CACNG5: variants seen among roughly 807,000 people sequenced by gnomAD.
CACNG5 encodes the protein calcium voltage-gated channel auxiliary subunit gamma 5, also known as voltage-dependent calcium channel gamma-5 subunit.
Under a neutral mutation model 24.8 loss-of-function variants are expected in CACNG5, and 18 were observed. That is an observed-to-expected ratio of 0.73 (90% CI 0.50 to 1.08). The LOEUF is 1.08. CACNG5 is among the 50% of genes least tolerant of loss of function. The pLI is 0.00. For synonymous variants in CACNG5, 157 were observed against 149.1 expected (o/e 1.05, Z -0.39); for missense variants, 349 against 367.9 (o/e 0.95, Z 0.42).
intron 1 of CACNG5, among the ~76,000 whole-genome samples, chr17:66,845,869 C>T (rs1976633191): frequency 6.6e-6 from 1 of 152,186 alleles, no homozygotes; most frequent in Non-Finnish European, 1.5e-5. Flanking sequence ...TCCCTGGGGT[C>T]TTGTCTCCAT....
At chr17:66,856,490 T>C (rs1031230693) in intron 1 of CACNG5, among the ~76,000 whole-genome samples, 1 of 151,112 alleles carries the variant, frequency 6.6e-6, no homozygotes, top group African/African-American at 2.4e-5. Context: ...ATTGATATAG[T>C]CAAGGATATA....
At chr17:66,882,751 G>A (rs1210478323) in intron 4 of CACNG5, among the ~76,000 whole-genome samples, 1 of 151,972 alleles carries the variant, frequency 6.6e-6, no homozygotes, top group Non-Finnish European at 1.5e-5. Context: ...ATGGATGGAT[G>A]GATTGGTGAG....
At chr17:66,838,844 C>G (rs1191255310) in intron 1 of CACNG5, among the ~76,000 whole-genome samples, 1 of 151,762 alleles carries the variant, frequency 6.6e-6, no homozygotes, top group African/African-American at 2.4e-5. Flanking sequence ...GCATTTGGGG[C>G]TGCCTTGTTC....
At chr17:66,848,049 A>G (rs889089777) in intron 1 of CACNG5, among the ~76,000 whole-genome samples, 1 of 152,180 alleles carries the variant, frequency 6.6e-6, no homozygotes, top group Admixed American at 6.5e-5. Flanking sequence ...TGCTCTGTGC[A>G]TGGAAAATGT....
Position 66,885,113 on chromosome 17 carries a change from C to T in CACNG5, c.701C>T (p.Pro234Leu), listed in dbSNP as rs2143133668. The T allele has an allele frequency of 2.5e-6, 4 of 1,614,196 alleles. No individual in the cohort carries two copies. The South Asian group carries it at 4.4e-5, about 18-fold the overall frequency. Residue 234 changes from proline to leucine, a missense_variant, in exon 6 of 6, where the codon CCA becomes CTA. Physicochemically the swap from Pro to Leu is moderately conservative, Grantham distance 98. Transcript: ENST00000533854. Reference sequence around the variant, plus strand: ...GATTACTCAGGCCAGTTCCTACACCCAGACGCCTGGGTCAGGGGCCGCAGC... The same window carrying T: ...GATTACTCAGGCCAGTTCCTACACCTAGACGCCTGGGTCAGGGGCCGCAGC... The part of the protein sequence containing the change: ...CSDYSGQFLH[P>L]DAWVRGRSPS...
At chr17:66,861,761 A>ATTTGGTGTT in intron 1 of CACNG5, among the ~76,000 whole-genome samples, 1 of 152,302 alleles carries the variant, frequency 6.6e-6, no homozygotes, top group Admixed American at 6.5e-5. Flanking sequence ...GGCAGTGAGC[A>ATTTGGTGTT]TTTGGTGTTC....
At chr17:66,877,013 G>GAATGAATT (rs1555657545) in intron 1 of CACNG5, among the ~76,000 whole-genome samples, 81 of 150,120 alleles carry the variant, frequency 5.4e-4, no homozygotes, top group African/African-American at 2.0e-3. Flanking sequence ...ATGAATGAAT[G>GAATGAATT]AATGGCAGTA....
chr17:66,853,312 T>C (rs1352563390), intron 1 of CACNG5, among the ~76,000 whole-genome samples: 1 of 152,244 alleles, frequency 6.6e-6, no homozygotes, highest in Non-Finnish European at 1.5e-5. Context: ...TGTACTCGGG[T>C]GTAAGTCTTT....
chr17:66,853,334 A>G (rs968623856), intron 1 of CACNG5, among the ~76,000 whole-genome samples: 1 of 152,144 alleles, frequency 6.6e-6, no homozygotes, highest in Non-Finnish European at 1.5e-5. Context: ...TGCAACCACA[A>G]GTTTTCATTT....
At chr17:66,859,649 C>T (rs1976828913) in intron 1 of CACNG5, among the ~76,000 whole-genome samples, 1 of 152,112 alleles carries the variant, frequency 6.6e-6, no homozygotes, top group Non-Finnish European at 1.5e-5. Flanking sequence ...ATTGGTTTCC[C>T]TCCCCAGGCT....
chr17:66,853,476 C>A (rs1170263468), intron 1 of CACNG5, among the ~76,000 whole-genome samples: 1 of 152,192 alleles, frequency 6.6e-6, no homozygotes, highest in Non-Finnish European at 1.5e-5. Context: ...CATATGAGAG[C>A]TGCAGTTTCT....
Position 66,877,218 on chromosome 17 carries a change from T to G in CACNG5, c.-103-12T>G, listed in dbSNP as rs772472719. 95 of 819,268 alleles carry G rather than the reference T, an allele frequency of 1.2e-4. No individual in the cohort carries two copies. Among genetic ancestry groups the G allele is most frequent in the Middle Eastern group, 3.8e-4 (1 of 2,656 alleles). 50.7% of individuals were successfully genotyped at this position (819,268 alleles called of 1,614,324 possible). ...GACTTTAGTTACTGGCTCCTCATCT[T>G]CGTCTTCTCAGAGCCGTGGGTACTG... On this transcript the variant is annotated splice_polypyrimidine_tract_variant and intron_variant, in intron 1 of 5. Coordinates refer to ENST00000533854, the MANE Select transcript of CACNG5 (RefSeq NM_145811.3).
At chr17:66,861,509 C>A (rs1186624765) in intron 1 of CACNG5, among the ~76,000 whole-genome samples, 1 of 152,170 alleles carries the variant, frequency 6.6e-6, no homozygotes, top group Non-Finnish European at 1.5e-5. Context: ...GGTCCTGGTC[C>A]AATAAATGTC....
chr17:66,843,809 G>A (rs1976599127), intron 1 of CACNG5, among the ~76,000 whole-genome samples: 1 of 152,246 alleles, frequency 6.6e-6, no homozygotes, highest in African/African-American at 2.4e-5. Flanking sequence ...GTCCTGGGTG[G>A]GGGGAGGCAG....
chr17:66,884,450 G>C, intron 4 of CACNG5, 66 bp from the exon 5 acceptor site: 1 of 1,505,854 alleles, frequency 6.6e-7, no homozygotes, highest in South Asian at 1.3e-5. Flanking sequence ...AGGGAGGTGG[G>C]TGCCACCTCA....
At chr17:66,860,427 G>A (rs3848414) in intron 1 of CACNG5, among the ~76,000 whole-genome samples, 91,709 of 151,872 alleles carry the variant, frequency 0.6, 27,987 homozygotes, top group South Asian at 0.75. Context: ...GAACTCCCCT[G>A]TAAGAGTAAG....
intron 4 of CACNG5, 38 bp from the exon 5 acceptor site, chr17:66,884,478 C>G (rs1977216715): frequency 6.4e-7 from 1 of 1,571,094 alleles, no homozygotes; most frequent in African/African-American, 1.4e-5. Context: ...TCCTGGGCCT[C>G]TGGGCTGAGC....
chr17:66,878,141 C>G (rs1598061289), intron 2 of CACNG5, among the ~76,000 whole-genome samples: 1 of 152,242 alleles, frequency 6.6e-6, no homozygotes, highest in East Asian at 1.9e-4. Context: ...CTCACTAGGG[C>G]TTCCCTGTAA....
chr17:66,847,080 GC>G (rs1976646435), intron 1 of CACNG5, among the ~76,000 whole-genome samples: 1 of 152,232 alleles, frequency 6.6e-6, no homozygotes, highest in South Asian at 2.1e-4. Flanking sequence ...TGCACACTTA[GC>G]TACCAACCTG....
Sources: allele counts gnomAD v4.1 joint callset (sites outside exome capture counted in the v4.1 genomes callset), GRCh38; gene constraint gnomAD v4.1.1; transcripts MANE v1.5; gene names NCBI Gene and HGNC (gene_info 2026-07-23, HGNC 2026-07-21).